The following EIF2AK4 variants were observed in gnomAD, a reference collection of about 807,000 sequenced individuals.
EIF2AK4 encodes the protein eIF-2-alpha kinase GCN2.
Under a neutral mutation model 211.1 loss-of-function variants are expected in EIF2AK4, and 139 were observed. The ratio of observed to expected loss-of-function variants is 0.66; its 90% CI spans 0.57 to 0.76. The LOEUF (loss-of-function observed/expected upper bound fraction) is 0.76, where lower values mean the gene tolerates loss of function less well. Ranked by LOEUF, EIF2AK4 falls within the 30% of genes least tolerant of loss-of-function variation. EIF2AK4 has a pLI of 0.00. For missense variants in EIF2AK4, 1,664 were observed against 2,043.8 expected, an observed-to-expected ratio of 0.81 and a Z score of 3.58; for synonymous variants, 710 against 751.3, an observed-to-expected ratio of 0.94 and a Z score of 0.90.
chr15:39,938,175 G>A (rs1343072256), intron 1 of EIF2AK4, among the ~76,000 whole-genome samples: 3 of 152,208 alleles, frequency 2.0e-5, no homozygotes, highest in African/African-American at 7.2e-5. Context: ...CATGAGAGCT[G>A]GAACCATATC....
At position 40,008,049 on chromosome 15, in the gene EIF2AK4, A is replaced by T. The variant is rs750527432; in HGVS notation, c.3430A>T (p.Arg1144Trp). 22 of 1,604,770 alleles carry T rather than the reference A, an allele frequency of 1.4e-5. No individual in the cohort carries two copies. The highest frequency in any genetic ancestry group is 1.9e-5 in the Non-Finnish European group (22 of 1,176,150). ...LKRYCIERVF[R>W]PRKLDRFHPK... is the part of the protein sequence containing the mutation. ...CAGATACTGCATAGAACGTGTGTTC[A>T]GGCCGCGCAAGTTAGATCGATTTCA... is the stretch of plus-strand genomic sequence containing the variant. The change falls in exon 25 of 39, where the codon AGG becomes TGG. Residue 1144 changes from arginine to tryptophan, a missense_variant. Transcript: ENST00000263791.
Position 40,022,208 on chromosome 15 carries a change from G to GTGTGTGTGTGTGTA in EIF2AK4, c.4303-304_4303-303insGTGTGTATGTGTGT. The stretch of plus-strand genomic sequence containing the variant: ...TGTGTGTGTGTGTGTGTGTGTGTGT[G>GTGTGTGTGTGTGTA]TGTGTGTATGTTGTGTTGTATAATT... On this transcript the variant is annotated intron_variant, in intron 31 of 38. Coordinates refer to ENST00000263791, the MANE Select transcript of EIF2AK4 (RefSeq NM_001013703.4). 8.6e-6 allele frequency: 2 copies of GTGTGTGTGTGTGTA among 233,362 alleles called. 1 individual carries two copies. 14.5% of individuals were successfully genotyped at this position (233,362 alleles called of 1,614,324 possible).
intron 33 of EIF2AK4, 138 bp downstream of exon 33, chr15:40,026,227 G>A: frequency 2.8e-6 from 2 of 726,202 alleles, no homozygotes; most frequent in Non-Finnish European, 2.2e-6. Flanking sequence ...GGCCAAGTTT[G>A]GGGAATCACT....
chr15:40,004,999 C>T (rs2035141366), intron 23 of EIF2AK4, among the ~76,000 whole-genome samples: 1 of 152,146 alleles, frequency 6.6e-6, no homozygotes, highest in African/African-American at 2.4e-5. Flanking sequence ...AAAAAAAATT[C>T]CAACAAGCAA....
At chr15:40,033,569 CAAATT>C (rs979080710) in intron 37 of EIF2AK4, among the ~76,000 whole-genome samples, 47 of 152,126 alleles carry the variant, frequency 3.1e-4, no homozygotes, top group African/African-American at 1.0e-3. Context: ...TGTTTAGTCA[CAAATT>C]AAATTAGATT....
intron 27 of EIF2AK4, among the ~76,000 whole-genome samples, chr15:40,014,528 G>A (rs373809063): frequency 1.9e-4 from 29 of 152,368 alleles, no homozygotes; most frequent in East Asian, 1.2e-3. Flanking sequence ...AGCCATGGGT[G>A]GAGCAGCTTA....
Position 40,032,816 on chromosome 15 carries a change from C to T in EIF2AK4, c.4773+15C>T. On this transcript the variant is annotated intron_variant, in intron 37 of 38. Coordinates refer to ENST00000263791, the MANE Select transcript of EIF2AK4 (RefSeq NM_001013703.4). Reference sequence around the variant, plus strand: ...TATCATTAGAGGTAAGCAATATGAACTCTTCTGCACTGTGGCCTTTAAGAT... The same window carrying T: ...TATCATTAGAGGTAAGCAATATGAATTCTTCTGCACTGTGGCCTTTAAGAT... 1.9e-6 allele frequency: 3 copies of T among 1,605,692 alleles called. No homozygotes were observed. The highest frequency in any genetic ancestry group is 1.3e-5 in the African/African-American group (1 of 74,568).
At chr15:39,943,309 A>G in intron 2 of EIF2AK4, 74 bp from the exon 3 acceptor site, 1 of 1,216,960 alleles carries the variant, frequency 8.2e-7, no homozygotes, top group Admixed American at 2.9e-5. Context: ...CTTTCAGTTT[A>G]GCAAATATTA....
chr15:39,936,090 T>C (rs2034060404), intron 1 of EIF2AK4, among the ~76,000 whole-genome samples: 1 of 152,176 alleles, frequency 6.6e-6, no homozygotes, highest in Non-Finnish European at 1.5e-5. Context: ...AGTTGTCTGC[T>C]CCTAGGGCTG....
chr15:39,951,124 T>C (rs995941291), intron 4 of EIF2AK4, among the ~76,000 whole-genome samples: 3 of 152,216 alleles, frequency 2.0e-5, no homozygotes, highest in Admixed American at 6.5e-5. Context: ...GTATCAGGAA[T>C]AATAAGAGAA....
At chr15:40,014,117 C>T (rs140561934) in intron 27 of EIF2AK4, among the ~76,000 whole-genome samples, 7 of 152,368 alleles carry the variant, frequency 4.6e-5, no homozygotes, top group African/African-American at 1.7e-4. Context: ...AAATGATCTC[C>T]TTTGACTCCA....
chr15:39,941,279 G>A (rs74766939), intron 2 of EIF2AK4, among the ~76,000 whole-genome samples: 9,567 of 152,234 alleles, frequency 0.063, 518 homozygotes, highest in East Asian at 0.31. Context: ...TTCTCACCCT[G>A]TAATCAAGGC....
intron 28 of EIF2AK4, 34 bp from the exon 29 acceptor site, chr15:40,017,074 C>G (rs1320082152): frequency 5.0e-6 from 8 of 1,596,588 alleles, no homozygotes; most frequent in Non-Finnish European, 5.1e-6. Context: ...AATTTCAAAC[C>G]CTTGACACAT....
chr15:39,976,628 A>G lies in EIF2AK4; in HGVS notation c.2033A>G (p.Asp678Gly). The change falls in exon 12 of 39, where the codon GAT becomes GGT. Residue 678 changes from aspartate to glycine, a missense_variant. By Grantham distance (94) the Asp-to-Gly change is moderately conservative (BLOSUM62 -1). Coordinates refer to ENST00000263791, the MANE Select transcript of EIF2AK4 (RefSeq NM_001013703.4). ...CCGGACTCCGGGCCCCTGGCCAAGG[A>G]TGACCGAGCTGCACGCGGGCAGCCG... ...PPPDSGPLAK[D>G]DRAARGQPAS... The G allele has an allele frequency of 6.2e-7, 1 of 1,606,238 alleles. No homozygotes were observed. Among genetic ancestry groups the G allele is most frequent in the Middle Eastern group, 1.7e-4 (1 of 6,040 alleles).
chr15:39,963,544 T>G (rs567433637), intron 7 of EIF2AK4, among the ~76,000 whole-genome samples: 11 of 152,326 alleles, frequency 7.2e-5, no homozygotes, highest in African/African-American at 2.6e-4. Context: ...TTATAAAAGA[T>G]TAACTACTAA....
At chr15:39,991,986 C>A in intron 16 of EIF2AK4, 189 bp from the exon 17 acceptor site, 1 of 496,278 alleles carries the variant, frequency 2.0e-6, no homozygotes, top group Non-Finnish European at 3.5e-6. Flanking sequence ...CTCTTGATTT[C>A]ATTGGGTTTT....
At chr15:40,030,989 C>T (rs2035534851) in intron 35 of EIF2AK4, among the ~76,000 whole-genome samples, 1 of 152,162 alleles carries the variant, frequency 6.6e-6, no homozygotes, top group African/African-American at 2.4e-5. Context: ...CCTGTAATCC[C>T]AGCACTTTGG....
At chr15:39,980,707 G>GTAATATTATTGAC (rs1566993070) in intron 13 of EIF2AK4, among the ~76,000 whole-genome samples, 1 of 152,130 alleles carries the variant, frequency 6.6e-6, no homozygotes, top group Non-Finnish European at 1.5e-5. Context: ...ATTATTTTAA[G>GTAATATTATTGAC]AGGCAGGGTC....
chr15:39,940,762 C>T (rs2034134310), intron 2 of EIF2AK4, among the ~76,000 whole-genome samples: 1 of 151,960 alleles, frequency 6.6e-6, no homozygotes, highest in Non-Finnish European at 1.5e-5. Context: ...CAGTTCAATT[C>T]TGACACTATC....
Sources: gnomAD v4.1 joint callset for allele counts (sites outside exome capture counted in the v4.1 genomes callset) on GRCh38, gnomAD v4.1.1 for gene constraint, MANE v1.5 for transcripts, NCBI Gene and HGNC (gene_info 2026-07-23, HGNC 2026-07-21) for gene names.